The following DOCK4 variants were observed in gnomAD, a reference collection of about 807,000 sequenced individuals.
The protein encoded by DOCK4 is dedicator of cytokinesis 4, also known as dedicator of cytokinesis protein 4.
Under a neutral mutation model 268.1 loss-of-function variants are expected in DOCK4, and 97 were observed. The observed-to-expected ratio is 0.36, with a 90% CI of 0.31 to 0.43. The LOEUF (loss-of-function observed/expected upper bound fraction) is 0.43, where lower values mean the gene tolerates loss of function less well. DOCK4 is among the 20% of genes least tolerant of loss of function. DOCK4 has a pLI of 1.00. For missense variants in DOCK4, 2,145 were observed against 2,455.7 expected, an observed-to-expected ratio of 0.87 and a Z score of 2.67; for synonymous variants, 954 against 887.2, an observed-to-expected ratio of 1.08 and a Z score of -1.34.
At chr7:111,900,788 A>G (rs1024205118) in intron 14 of DOCK4, among the ~76,000 whole-genome samples, 2 of 152,202 alleles carry the variant, frequency 1.3e-5, no homozygotes, top group African/African-American at 4.8e-5. Flanking sequence ...GGACGATTGC[A>G]TGGCCCACTT....
intron 6 of DOCK4, among the ~76,000 whole-genome samples, chr7:111,985,960 G>A (rs187906766): frequency 4.3e-4 from 65 of 152,320 alleles, no homozygotes; most frequent in Admixed American, 2.7e-3. Flanking sequence ...TATAACCACT[G>A]TGATACTTGT....
At chr7:112,115,183 G>A (rs1038985050) in intron 1 of DOCK4, among the ~76,000 whole-genome samples, 2 of 152,180 alleles carry the variant, frequency 1.3e-5, no homozygotes, top group Non-Finnish European at 1.5e-5. Context: ...TGCACCAATG[G>A]CTGCGTAAAA....
intron 38 of DOCK4, among the ~76,000 whole-genome samples, chr7:111,766,708 T>C (rs1797781093): frequency 6.6e-6 from 1 of 152,190 alleles, no homozygotes; most frequent in Non-Finnish European, 1.5e-5. Context: ...AATGGTATAT[T>C]GTTACAGAAA....
chr7:111,788,398 T>C (rs976063369), intron 32 of DOCK4: 1 of 414,486 alleles, frequency 2.4e-6, no homozygotes, highest in Admixed American at 3.6e-5. Context: ...TTATCAGGCA[T>C]GAAAAGAGGG....
chr7:112,198,624 T>C (rs1820665425), intron 1 of DOCK4, among the ~76,000 whole-genome samples: 1 of 152,200 alleles, frequency 6.6e-6, no homozygotes, highest in South Asian at 2.1e-4. Context: ...ACCTCTTCCT[T>C]CATAAATAAC....
intron 42 of DOCK4, 122 bp from the exon 43 acceptor site, chr7:111,747,565 A>G: frequency 1.1e-6 from 1 of 940,946 alleles, no homozygotes; most frequent in Non-Finnish European, 1.5e-6. Context: ...TATCTCTACC[A>G]GGGGCCATTC....
intron 32 of DOCK4, among the ~76,000 whole-genome samples, chr7:111,787,615 C>T (rs532795140): frequency 5.3e-4 from 81 of 152,206 alleles, no homozygotes; most frequent in Admixed American, 2.9e-3. Flanking sequence ...TCTATCTAAC[C>T]TATTAGTCAC....
In DOCK4 at chr7:112,094,050, A is replaced by C. The variant is rs936540427; in HGVS notation, c.38-89919T>G. Among the ~76,000 whole-genome samples, 5 of 152,226 alleles carry C rather than the reference A, an allele frequency of 3.3e-5. No individual in the cohort carries two copies. The East Asian group carries it at 9.6e-4, about 29-fold the overall frequency. ...AAATACACTAAAATAATGGCAGCTG[A>C]TTGGCAAATATTTATATTAAAATAT... On this transcript the variant is annotated intron_variant, in intron 1 of 52. Coordinates refer to ENST00000428084, the MANE Select transcript of DOCK4 (RefSeq NM_001363540.2).
At chr7:112,117,901 C>T (rs984379408) in intron 1 of DOCK4, among the ~76,000 whole-genome samples, 1 of 152,076 alleles carries the variant, frequency 6.6e-6, no homozygotes, top group Non-Finnish European at 1.5e-5. Context: ...CAATCCTGGA[C>T]ATCCAAAGAC....
intron 50 of DOCK4, among the ~76,000 whole-genome samples, chr7:111,736,492 G>A (rs995057538): frequency 5.9e-5 from 9 of 152,144 alleles, no homozygotes; most frequent in South Asian, 2.1e-4. Flanking sequence ...TACAAGAGCC[G>A]TATCTGAGTC....
At chr7:112,057,593 C>T (rs2135579310) in intron 1 of DOCK4, among the ~76,000 whole-genome samples, 1 of 150,734 alleles carries the variant, frequency 6.6e-6, no homozygotes, top group Non-Finnish European at 1.5e-5. Context: ...TGGAATATAG[C>T]AAGACCTTAT....
At chr7:112,156,610 ACTCT>A (rs1816637057) in intron 1 of DOCK4, among the ~76,000 whole-genome samples, 1 of 152,110 alleles carries the variant, frequency 6.6e-6, no homozygotes, top group Admixed American at 6.5e-5. Flanking sequence ...AGATTTGGAG[ACTCT>A]CTACATTCCT....
At chr7:111,920,542 G>A (rs78247029) in intron 12 of DOCK4, among the ~76,000 whole-genome samples, 6,017 of 152,076 alleles carry the variant, frequency 0.04, 362 homozygotes, top group East Asian at 0.29. Context: ...TTTTCTTTCC[G>A]TTTTCTTTCT....
intron 36 of DOCK4, among the ~76,000 whole-genome samples, chr7:111,774,145 T>C (rs1229950587): frequency 6.6e-6 from 1 of 152,104 alleles, no homozygotes; most frequent in Non-Finnish European, 1.5e-5. Context: ...CAATTATTAA[T>C]AAAAAACAGT....
At chr7:111,782,787 C>G in intron 35 of DOCK4, 77 bp downstream of exon 35, 3 of 1,444,944 alleles carry the variant, frequency 2.1e-6, no homozygotes, top group Non-Finnish European at 2.9e-6. Flanking sequence ...AGATTAAACA[C>G]AAACAAAACA....
intron 1 of DOCK4, among the ~76,000 whole-genome samples, chr7:112,131,296 G>A (rs1813772989): frequency 6.6e-6 from 1 of 152,148 alleles, no homozygotes; most frequent in Non-Finnish European, 1.5e-5. Context: ...AGTATATGCA[G>A]CCATGTGATT....
intron 12 of DOCK4, among the ~76,000 whole-genome samples, chr7:111,918,154 A>G (rs1792774554): frequency 6.6e-6 from 1 of 152,228 alleles, no homozygotes. Flanking sequence ...TGAGGTCCAA[A>G]TCGGAGCTAG....
chr7:112,053,232 T>C (rs1419247473), intron 1 of DOCK4, among the ~76,000 whole-genome samples: 2 of 152,180 alleles, frequency 1.3e-5, no homozygotes, highest in African/African-American at 2.4e-5. Context: ...GTGCTGTTTA[T>C]ATCCTACTCC....
chr7:111,870,126 A>G (rs1420984052), intron 20 of DOCK4, among the ~76,000 whole-genome samples: 3 of 152,160 alleles, frequency 2.0e-5, no homozygotes, highest in African/African-American at 7.2e-5. Flanking sequence ...TTATGGATTT[A>G]TCAAGCCAAT....
Sources: gnomAD v4.1 joint callset for allele counts (sites outside exome capture counted in the v4.1 genomes callset) on GRCh38, gnomAD v4.1.1 for gene constraint, MANE v1.5 for transcripts, NCBI Gene and HGNC (gene_info 2026-07-23, HGNC 2026-07-21) for gene names.